Variants in FRMD4A observed in about 807,000 individuals in gnomAD.
The protein encoded by FRMD4A is FERM domain-containing protein 4A.
In FRMD4A, 29 loss-of-function variants were observed where a neutral mutation model predicts 129.1. That is an observed-to-expected ratio of 0.22 (90% CI 0.17 to 0.31). FRMD4A has a LOEUF of 0.31. Among genes scored for constraint, FRMD4A ranks in the 10% least tolerant of loss-of-function variants. FRMD4A has a pLI of 1.00. For synonymous variants in FRMD4A, 634 were observed against 571.6 expected (o/e 1.11, Z -1.56); for missense variants, 1,272 against 1,375.8 (o/e 0.92, Z 1.19).
In FRMD4A at chr10:13,967,142, C is replaced by T. The variant is rs559957656; in HGVS notation, c.46-108230G>A. On this transcript the variant is annotated intron_variant, in intron 2 of 24. Coordinates refer to ENST00000357447, the MANE Select transcript of FRMD4A (RefSeq NM_018027.5). The stretch of plus-strand genomic sequence containing the variant: ...ACGAGGTCAGGAAATTGAGACCATC[C>T]TGGCTAACACGGTGAAACCCTGTCT... Among the ~76,000 whole-genome samples, 10 of 152,328 alleles carry T rather than the reference C, an allele frequency of 6.6e-5. No individual in the cohort carries two copies. In the South Asian group the frequency reaches 1.9e-3, roughly 28 times the overall value.
chr10:13,971,757 A>G (rs1328503696), intron 2 of FRMD4A: 2 of 1,304,434 alleles, frequency 1.5e-6, no homozygotes, highest in Non-Finnish European at 2.0e-6. Flanking sequence ...GTCAGGTTCC[A>G]ACTCCACGGT....
chr10:13,657,010 TG>T lies in FRMD4A; in HGVS notation c.2578del (p.His860ThrfsTer37). On this transcript the variant is annotated frameshift_variant, in exon 22 of 25. Coordinates refer to ENST00000357447, the MANE Select transcript of FRMD4A (RefSeq NM_018027.5). LOFTEE classifies it high-confidence loss of function. ...VRSLESDQEG[H>X]YSVKAQFKTS... The stretch of plus-strand genomic sequence containing the variant: ...CTTGAACTGAGCCTTGACGCTGTAG[TG>T]GCCCTCCTGGTCGCTCTCCAGGCTG... The T allele has an allele frequency of 6.4e-7, 1 of 1,568,314 alleles. No homozygotes were observed. The highest frequency in any genetic ancestry group is 8.6e-7 in the Non-Finnish European group (1 of 1,164,206).
In FRMD4A at chr10:13,679,474, T is replaced by TATACACAC. The variant is rs1308155926; in HGVS notation, c.1118-4431_1118-4430insGTGTGTAT. ...AAAAAAAAAAAAATATATATATATA[T>TATACACAC]ACACACACACACACACACACACACA... On this transcript the variant is annotated intron_variant, in intron 15 of 24. Transcript: ENST00000357447. Among the ~76,000 whole-genome samples the TATACACAC allele has an allele frequency of 1.0e-3, 32 of 31,484 alleles. 1 individual carries two copies. Among genetic ancestry groups the TATACACAC allele is most frequent in the African/African-American group, 3.6e-3 (27 of 7,452 alleles). The allele number at this position is 31,484 out of a possible 152,430, so 20.7% of individuals were successfully genotyped here.
intron 23 of FRMD4A, 108 bp downstream of exon 23, chr10:13,654,308 A>G (rs1238989198): frequency 2.5e-6 from 2 of 803,630 alleles, no homozygotes; most frequent in African/African-American, 3.4e-5. Flanking sequence ...CCTCCCAGTG[A>G]TGAACCCTCA....
At chr10:13,701,673 G>A (rs924032890) in intron 13 of FRMD4A, among the ~76,000 whole-genome samples, 195 bp from the exon 14 acceptor site, 4 of 152,188 alleles carry the variant, frequency 2.6e-5, no homozygotes, top group African/African-American at 9.7e-5. Flanking sequence ...GCTGGGCAAA[G>A]GCCACCTTCT....
At chr10:13,682,957 T>C (rs1253769197) in intron 15 of FRMD4A, among the ~76,000 whole-genome samples, 1 of 152,176 alleles carries the variant, frequency 6.6e-6, no homozygotes, top group Non-Finnish European at 1.5e-5. Context: ...GGTAAACCTG[T>C]GTAGAAAGCA....
chr10:13,685,482 G>A, intron 15 of FRMD4A: 1 of 985,028 alleles, frequency 1.0e-6, no homozygotes, highest in Non-Finnish European at 1.2e-6. Context: ...GCTGTGAAAT[G>A]AGGGAGCTGA....
intron 6 of FRMD4A, among the ~76,000 whole-genome samples, chr10:13,768,019 T>C (rs1406270132): frequency 6.7e-6 from 1 of 148,834 alleles, no homozygotes; most frequent in Admixed American, 6.7e-5. Flanking sequence ...GAATAATGCA[T>C]GCTGCTTCCT....
chr10:14,329,611 T>G (rs1165971029), intron 2 of FRMD4A, among the ~76,000 whole-genome samples: 1 of 152,180 alleles, frequency 6.6e-6, no homozygotes, highest in Non-Finnish European at 1.5e-5. Context: ...CAGGAAAGTA[T>G]GAGCAGATAT....
intron 2 of FRMD4A, among the ~76,000 whole-genome samples, chr10:14,110,337 G>T (rs949838895): frequency 6.6e-5 from 10 of 151,928 alleles, no homozygotes; most frequent in African/African-American, 2.4e-4. Flanking sequence ...TGAAAATAAT[G>T]AAAAGAATTC....
intron 2 of FRMD4A, among the ~76,000 whole-genome samples, chr10:14,253,820 G>A (rs1026918219): frequency 6.6e-6 from 1 of 152,148 alleles, no homozygotes; most frequent in Non-Finnish European, 1.5e-5. Context: ...GTTGAGTGGG[G>A]AAGCTCGCTG....
chr10:13,970,192 T>G (rs2095509215), intron 2 of FRMD4A, among the ~76,000 whole-genome samples: 1 of 152,204 alleles, frequency 6.6e-6, no homozygotes, highest in Non-Finnish European at 1.5e-5. Context: ...ATATGATCTA[T>G]GACAGACACA....
chr10:14,123,796 T>C (rs564976999), intron 2 of FRMD4A, among the ~76,000 whole-genome samples: 14 of 152,350 alleles, frequency 9.2e-5, no homozygotes, highest in Non-Finnish European at 2.1e-4. Flanking sequence ...AGCCTTTACA[T>C]AGCATGTTAT....
intron 2 of FRMD4A, among the ~76,000 whole-genome samples, chr10:13,997,032 C>T (rs997095536): frequency 2.7e-5 from 4 of 147,222 alleles, no homozygotes; most frequent in African/African-American, 9.9e-5. Flanking sequence ...CAAAACAAAA[C>T]AGGTTTTCCC....
At chr10:13,681,271 T>C (rs1243035503) in intron 15 of FRMD4A, among the ~76,000 whole-genome samples, 8 of 152,212 alleles carry the variant, frequency 5.3e-5, no homozygotes, top group African/African-American at 1.9e-4. Context: ...GTCTCATCAT[T>C]AACCAGTGCC....
chr10:14,127,909 T>TTG (rs1564318802), intron 2 of FRMD4A, among the ~76,000 whole-genome samples: 6 of 20,470 alleles, frequency 2.9e-4, no homozygotes, highest in East Asian at 1.7e-3. Context: ...TATTTTGCTT[T>TTG]CTTTCTTTCT....
At chr10:14,011,663 G>C (rs1257330108) in intron 2 of FRMD4A, among the ~76,000 whole-genome samples, 1 of 152,176 alleles carries the variant, frequency 6.6e-6, no homozygotes, top group Non-Finnish European at 1.5e-5. Context: ...GAGGGACCGA[G>C]ACATTGGACC....
intron 2 of FRMD4A, among the ~76,000 whole-genome samples, chr10:14,297,577 C>T (rs1846049652): frequency 1.3e-5 from 2 of 152,168 alleles, no homozygotes; most frequent in South Asian, 4.1e-4. Flanking sequence ...CCACTAGAAC[C>T]TATTCTGGGT....
intron 6 of FRMD4A, among the ~76,000 whole-genome samples, chr10:13,775,324 T>C (rs1211454045): frequency 1.3e-5 from 2 of 152,108 alleles, no homozygotes; most frequent in Non-Finnish European, 2.9e-5. Flanking sequence ...CAAAAAGGAG[T>C]TCCCAAAGGA....
Sources: gnomAD v4.1 joint callset for allele counts (sites outside exome capture counted in the v4.1 genomes callset) on GRCh38, gnomAD v4.1.1 for gene constraint, MANE v1.5 for transcripts, NCBI Gene and HGNC (gene_info 2026-07-23, HGNC 2026-07-21) for gene names.